The following PEPD variants were observed in gnomAD, a reference collection of about 807,000 sequenced individuals.
The protein encoded by PEPD is xaa-Pro dipeptidase.
Under a neutral mutation model 60.7 loss-of-function variants are expected in PEPD, and 53 were observed. The ratio of observed to expected loss-of-function variants is 0.87; its 90% confidence interval spans 0.70 to 1.10. The LOEUF is 1.10. PEPD is among the 50% of genes least tolerant of loss of function. PEPD has a pLI of 0.00. For synonymous variants in PEPD, 267 were observed against 284.1 expected, an observed-to-expected ratio of 0.94 and a Z score of 0.60; for missense variants, 711 against 711.9, an observed-to-expected ratio of 1.00 and a Z score of 0.01.
intron 7 of PEPD, among the ~76,000 whole-genome samples, chr19:33,467,707 G>A (rs1970046721): frequency 6.6e-6 from 1 of 152,208 alleles, no homozygotes. Flanking sequence ...GAGGGGTGGT[G>A]TGGAGAGAGA....
chr19:33,514,141 G>A (rs2145358238), intron 1 of PEPD, among the ~76,000 whole-genome samples: 1 of 152,320 alleles, frequency 6.6e-6, no homozygotes, highest in Non-Finnish European at 1.5e-5. Flanking sequence ...TGGGGATGAG[G>A]TGGAGGAGGA....
intron 6 of PEPD, among the ~76,000 whole-genome samples, chr19:33,483,900 G>A (rs1038763515): frequency 5.3e-5 from 8 of 152,122 alleles, no homozygotes; most frequent in Non-Finnish European, 7.4e-5. Flanking sequence ...ACGCAGGGTC[G>A]TGACCTCCTG....
chr19:33,510,972 A>C (rs1970915121), intron 3 of PEPD, 56 bp downstream of exon 3: 2 of 1,571,448 alleles, frequency 1.3e-6, no homozygotes, highest in African/African-American at 1.4e-5. Context: ...CACCTCCCCT[A>C]CCCACCCCCA....
chr19:33,447,813 G>A (rs1312060656), intron 9 of PEPD, among the ~76,000 whole-genome samples: 1 of 152,156 alleles, frequency 6.6e-6, no homozygotes, highest in Non-Finnish European at 1.5e-5. Flanking sequence ...GAAGCACGAA[G>A]ACCCACACTG....
chr19:33,460,952 G>A (rs903658950), intron 9 of PEPD, among the ~76,000 whole-genome samples: 2 of 152,162 alleles, frequency 1.3e-5, no homozygotes, highest in African/African-American at 4.8e-5. Context: ...TCAGGTTCAC[G>A]ACACCCTGCT....
chr19:33,478,019 G>C (rs745374508), intron 7 of PEPD, 27 bp downstream of exon 7: 1 of 1,566,684 alleles, frequency 6.4e-7, no homozygotes, highest in Non-Finnish European at 8.8e-7. Flanking sequence ...ACAACAAACA[G>C]GCAAGGTGAC....
chr19:33,471,593 G>GT (rs2145286822), intron 7 of PEPD, among the ~76,000 whole-genome samples: 1 of 152,338 alleles, frequency 6.6e-6, no homozygotes, highest in South Asian at 2.1e-4. Context: ...CAGGGGATGT[G>GT]TGGGGTGGTT....
rs1226563721 is a variant in PEPD, at chr19:33,391,406, C to T, written c.1041G>A (p.Leu347=). 6 of 1,582,984 alleles carry T rather than the reference C, an allele frequency of 3.8e-6. No individual in the cohort carries two copies. The East Asian group carries it at 1.1e-4, about 30-fold the overall frequency. Residue 347 remains leucine, a synonymous_variant, in exon 13 of 15, where the codon CTG becomes CTA. Transcript: ENST00000244137. The part of the protein sequence containing the change: ...HLEELAHMGI[L]SGSVDAMVQA... ...GGACCATGGCGTCCACGCTGCCGCT[C>T]AGGATGCCCATGTGGGCCAGCTCCT...
chr19:33,499,468 G>A (rs1970668345), intron 4 of PEPD, among the ~76,000 whole-genome samples: 1 of 152,200 alleles, frequency 6.6e-6, no homozygotes, highest in African/African-American at 2.4e-5. Flanking sequence ...GTCAGCCCTG[G>A]GTCTCGGCCA....
At chr19:33,503,076 C>T (rs190115275) in intron 3 of PEPD, among the ~76,000 whole-genome samples, 68 of 152,114 alleles carry the variant, frequency 4.5e-4, no homozygotes, top group African/African-American at 1.6e-3. Flanking sequence ...AACTGGTGTC[C>T]TATGTGCCAT....
intron 11 of PEPD, among the ~76,000 whole-genome samples, chr19:33,404,062 G>A (rs767674123): frequency 1.6e-4 from 25 of 152,220 alleles, no homozygotes; most frequent in Non-Finnish European, 2.8e-4. Context: ...GAGTCAGGAG[G>A]GTAAACAACT....
chr19:33,464,474 T>C (rs1969982896), intron 7 of PEPD, among the ~76,000 whole-genome samples: 2 of 152,184 alleles, frequency 1.3e-5, no homozygotes, highest in Non-Finnish European at 2.9e-5. Flanking sequence ...CTCCCAGGGC[T>C]CTGTCCTGTT....
At chr19:33,411,331 G>A (rs1000959176) in intron 11 of PEPD, among the ~76,000 whole-genome samples, 7 of 152,300 alleles carry the variant, frequency 4.6e-5, no homozygotes, top group Non-Finnish European at 1.0e-4. Context: ...AGATGCGAGC[G>A]TGGTGCCCCC....
At chr19:33,477,278 C>T (rs1449306916) in intron 7 of PEPD, 1 of 153,020 alleles carries the variant, frequency 6.5e-6, no homozygotes, top group African/African-American at 2.4e-5. Flanking sequence ...AGCTCTAAGA[C>T]GAGGCGAGTC....
At chr19:33,502,401 A>G (rs1970728998) in intron 3 of PEPD, among the ~76,000 whole-genome samples, 2 of 152,168 alleles carry the variant, frequency 1.3e-5, no homozygotes, top group African/African-American at 4.8e-5. Context: ...GCAGGAGAAT[A>G]GGGTCGGGAG....
chr19:33,518,671 G>A (rs768109872), intron 1 of PEPD, among the ~76,000 whole-genome samples: 11 of 152,152 alleles, frequency 7.2e-5, no homozygotes, highest in Non-Finnish European at 1.3e-4. Context: ...GACTAATTTA[G>A]AGTAAATCCC....
chr19:33,498,541 C>T (rs1970650279), intron 4 of PEPD, among the ~76,000 whole-genome samples: 1 of 152,212 alleles, frequency 6.6e-6, no homozygotes, highest in Non-Finnish European at 1.5e-5. Flanking sequence ...AGAGGTGGCT[C>T]GGACTCAGCA....
chr19:33,477,940 G>A, intron 7 of PEPD, 106 bp downstream of exon 7: 1 of 792,994 alleles, frequency 1.3e-6, no homozygotes, highest in Non-Finnish European at 2.2e-6. Flanking sequence ...CTGGGAATCT[G>A]CTTTCTGAGG....
At chr19:33,415,620 G>C (rs996527356) in intron 9 of PEPD, among the ~76,000 whole-genome samples, 2 of 152,168 alleles carry the variant, frequency 1.3e-5, no homozygotes, top group African/African-American at 4.8e-5. Flanking sequence ...CCACTCAGTG[G>C]AGACAACTGT....
Sources: gnomAD v4.1 joint callset for allele counts (sites outside exome capture counted in the v4.1 genomes callset) on GRCh38, gnomAD v4.1.1 for gene constraint, MANE v1.5 for transcripts, NCBI Gene and HGNC (gene_info 2026-07-23, HGNC 2026-07-21) for gene names.